Variants in LRCH1 observed in about 807,000 individuals in gnomAD.
LRCH1 encodes leucine rich repeats and calponin homology domain containing 1.
A neutral mutation model predicts 94.9 loss-of-function variants in LRCH1; 23 were observed. The ratio of observed to expected loss-of-function variants is 0.24; its 90% CI spans 0.17 to 0.34. The LOEUF (loss-of-function observed/expected upper bound fraction) is 0.34. LRCH1 is among the 10% of genes least tolerant of loss of function. The probability of loss-of-function intolerance (pLI) is 1.00; values close to 1 mark genes in which losing one functional copy is unlikely to be tolerated. For missense variants in LRCH1, 790 were observed against 945.9 expected (o/e 0.84, Z 2.16); for synonymous variants, 364 against 354.9 (o/e 1.03, Z -0.29).
rs7982802 is a variant in LRCH1 at position 46,744,295 on chromosome 13, G to A, written c.*2447G>A. ...AAATCTCCTCCTCACAAGAAAGACC[G>A]TTTTTTCAGTACTCCCTTCCAATGT... On this transcript the variant is annotated 3_prime_UTR_variant, in exon 20 of 20. Transcript: ENST00000389797. 124,546 of 985,072 alleles carry A rather than the reference G, an allele frequency of 0.13. 8,048 individuals carry two copies. Among genetic ancestry groups the A allele is most frequent in the Middle Eastern group, 0.15 (279 of 1,914 alleles). The allele number at this position is 985,072 out of a possible 1,614,324, so 61.0% of individuals were successfully genotyped here. A position where few individuals can be genotyped will look rare whatever the true frequency, so the allele number is the denominator to read the frequency against.
intron 17 of LRCH1, among the ~76,000 whole-genome samples, chr13:46,724,985 A>G (rs903200330): frequency 1.3e-5 from 2 of 152,236 alleles, no homozygotes; most frequent in Non-Finnish European, 2.9e-5. Context: ...TTGGATAAAG[A>G]AAATGTGGTA....
intron 1 of LRCH1, among the ~76,000 whole-genome samples, chr13:46,627,751 A>G (rs905252157): frequency 1.3e-5 from 2 of 152,188 alleles, no homozygotes; most frequent in African/African-American, 4.8e-5. Context: ...ACTTAAAACA[A>G]TGGCATATTT....
At chr13:46,609,348 G>A (rs2050721988) in intron 1 of LRCH1, among the ~76,000 whole-genome samples, 2 of 152,114 alleles carry the variant, frequency 1.3e-5, no homozygotes, top group African/African-American at 4.8e-5. Context: ...TTGCCAATAT[G>A]TGGATATCAG....
At chr13:46,723,431 C>A in intron 17 of LRCH1, 101 bp downstream of exon 17, 1 of 877,564 alleles carries the variant, frequency 1.1e-6, no homozygotes. Context: ...AATTTCAAAT[C>A]TAGCCAGGTC....
chr13:46,652,726 G>T (rs2051323288), intron 2 of LRCH1, among the ~76,000 whole-genome samples: 3 of 152,292 alleles, frequency 2.0e-5, no homozygotes, highest in South Asian at 2.1e-4. Context: ...ACCTACTCCT[G>T]TCCTGCTGTG....
At chr13:46,649,441 GT>G (rs1448842059) in intron 1 of LRCH1, among the ~76,000 whole-genome samples, 1 of 152,116 alleles carries the variant, frequency 6.6e-6, no homozygotes, top group Non-Finnish European at 1.5e-5. Context: ...TGGTAATACT[GT>G]AGGCCGTACT....
intron 2 of LRCH1, among the ~76,000 whole-genome samples, chr13:46,659,427 A>C (rs1412402465): frequency 6.6e-6 from 1 of 152,102 alleles, no homozygotes; most frequent in Non-Finnish European, 1.5e-5. Flanking sequence ...TCCTGACCCC[A>C]GATGATCCGC....
intron 1 of LRCH1, among the ~76,000 whole-genome samples, chr13:46,647,883 C>T (rs901919217): frequency 4.6e-5 from 7 of 151,418 alleles, no homozygotes; most frequent in African/African-American, 1.7e-4. Context: ...TGAAATGCCA[C>T]CTTTATTGCA....
chr13:46,629,621 C>T (rs1426136466), intron 1 of LRCH1, among the ~76,000 whole-genome samples: 1 of 152,144 alleles, frequency 6.6e-6, no homozygotes, highest in African/African-American at 2.4e-5. Flanking sequence ...GGTTCTGCTG[C>T]TGGGGAAACT....
intron 1 of LRCH1, among the ~76,000 whole-genome samples, chr13:46,616,371 C>T (rs1178295324): frequency 6.6e-6 from 1 of 152,154 alleles, no homozygotes; most frequent in East Asian, 1.9e-4. Context: ...TAAACAGAAC[C>T]TTTGTCTGAC....
intron 1 of LRCH1, among the ~76,000 whole-genome samples, chr13:46,649,176 A>C (rs1281794261): frequency 3.9e-5 from 6 of 152,144 alleles, no homozygotes; most frequent in Non-Finnish European, 7.4e-5. Context: ...TGATATTGAC[A>C]TATTTACATT....
intron 17 of LRCH1, 137 bp from the exon 18 acceptor site, chr13:46,728,710 C>A: frequency 2.5e-6 from 2 of 786,676 alleles, no homozygotes; most frequent in Non-Finnish European, 3.8e-6. Flanking sequence ...TAAATAATGT[C>A]AGTGTTTTCT....
At chr13:46,586,111 A>G (rs2050432794) in intron 1 of LRCH1, among the ~76,000 whole-genome samples, 1 of 152,232 alleles carries the variant, frequency 6.6e-6, no homozygotes, top group Non-Finnish European at 1.5e-5. Flanking sequence ...CCCCAGGAAC[A>G]TGGCAATGGA....
chr13:46,562,841 A>G (rs1465617404), intron 1 of LRCH1, among the ~76,000 whole-genome samples: 2 of 152,204 alleles, frequency 1.3e-5, no homozygotes, highest in Non-Finnish European at 2.9e-5. Flanking sequence ...CCACGCTGAG[A>G]GTCCCAATAA....
At chr13:46,669,003 T>A (rs758119821) in intron 2 of LRCH1, 27 bp from the exon 3 acceptor site, 2 of 1,613,462 alleles carry the variant, frequency 1.2e-6, no homozygotes, top group African/African-American at 2.7e-5. Context: ...TCTGTTTACA[T>A]GTGTTCTTGT....
intron 13 of LRCH1, 132 bp downstream of exon 13, chr13:46,705,436 G>A (rs751817901): frequency 3.4e-6 from 3 of 890,702 alleles, no homozygotes; most frequent in South Asian, 1.3e-5. Context: ...GATTTGTTCA[G>A]GACACATTTT....
intron 13 of LRCH1, among the ~76,000 whole-genome samples, chr13:46,710,525 G>A (rs370620149): frequency 1.3e-5 from 2 of 152,146 alleles, no homozygotes; most frequent in African/African-American, 2.4e-5. Flanking sequence ...CATAAATATC[G>A]AACGGGGAAG....
intron 1 of LRCH1, among the ~76,000 whole-genome samples, chr13:46,573,696 A>G (rs1055063443): frequency 6.6e-6 from 1 of 151,572 alleles, no homozygotes. Context: ...GAACTCATGG[A>G]CATAGACATA....
At chr13:46,567,948 A>T (rs1467254997) in intron 1 of LRCH1, among the ~76,000 whole-genome samples, 2 of 152,194 alleles carry the variant, frequency 1.3e-5, no homozygotes, top group Non-Finnish European at 2.9e-5. Context: ...AAGTCCTTTC[A>T]TAATCAGGCA....
Sources: gnomAD v4.1 joint callset for allele counts (sites outside exome capture counted in the v4.1 genomes callset) on GRCh38, gnomAD v4.1.1 for gene constraint, MANE v1.5 for transcripts, NCBI Gene and HGNC (gene_info 2026-07-23, HGNC 2026-07-21) for gene names.